SELENOT: variants seen among roughly 807,000 people sequenced by gnomAD.
SELENOT encodes thioredoxin reductase-like selenoprotein T.
In SELENOT, 9 loss-of-function variants were observed where a neutral mutation model predicts 24.3. The ratio of observed to expected loss-of-function variants is 0.37; its 90% CI spans 0.22 to 0.65. The LOEUF is 0.65. Ranked by LOEUF, SELENOT falls within the 30% of genes least tolerant of loss-of-function variation. The pLI is 0.60. For synonymous variants in SELENOT, 81 were observed against 86.0 expected (o/e 0.94, Z 0.32); for missense variants, 166 against 247.6 (o/e 0.67, Z 2.21).
intron 3 of SELENOT, 82 bp downstream of exon 3, chr3:150,623,251 C>T: frequency 8.1e-7 from 1 of 1,230,208 alleles, no homozygotes; most frequent in South Asian, 2.1e-5. Context: ...ATTTTGAATA[C>T]TTGTTATTGA....
Position 150,603,355 on chromosome 3 carries a change from C to G in SELENOT, c.-8C>G, listed in dbSNP as rs774153673. The G allele has an allele frequency of 6.2e-7, 1 of 1,609,038 alleles. No homozygotes were observed. The highest frequency in any genetic ancestry group is 8.5e-7 in the Non-Finnish European group (1 of 1,176,738). The stretch of plus-strand genomic sequence containing the variant: ...CTGAGGGCGGCCGAAGTGGCTGGCT[C>G]ATTTAAGATGAGGCTTCTGCTGCTT... On this transcript the variant is annotated 5_prime_UTR_variant, in exon 1 of 6. Coordinates refer to ENST00000471696, the MANE Select transcript of SELENOT (RefSeq NM_016275.5).
chr3:150,622,960 C>T (rs1726372487), intron 2 of SELENOT, 83 bp from the exon 3 acceptor site: 1 of 1,266,646 alleles, frequency 7.9e-7, no homozygotes, highest in Non-Finnish European at 1.0e-6. Context: ...TCTAGAAAAT[C>T]TTTACATACA....
At chr3:150,609,441 C>T (rs972340294) in intron 1 of SELENOT, among the ~76,000 whole-genome samples, 3 of 152,038 alleles carry the variant, frequency 2.0e-5, no homozygotes, top group East Asian at 3.9e-4. Flanking sequence ...CCTCGACTGC[C>T]GAGGCTCAAG....
chr3:150,605,640 T>TC (rs1363050913), intron 1 of SELENOT, among the ~76,000 whole-genome samples: 1 of 152,010 alleles, frequency 6.6e-6, no homozygotes, highest in Admixed American at 6.6e-5. Flanking sequence ...CGGAGATCAT[T>TC]TTTTGTTTAA....
chr3:150,624,190 G>A (rs1726395852), intron 3 of SELENOT, among the ~76,000 whole-genome samples: 1 of 152,094 alleles, frequency 6.6e-6, no homozygotes, highest in South Asian at 2.1e-4. Context: ...TAGCTCCTGT[G>A]GGGCAGTAGG....
In SELENOT at chr3:150,603,330, C is replaced by T; in HGVS notation, c.-33C>T. On this transcript the variant is annotated 5_prime_UTR_variant, in exon 1 of 6. Coordinates refer to ENST00000471696, the MANE Select transcript of SELENOT (RefSeq NM_016275.5). ...GGGCTTTGGGCTGGCTGCAGTCTGT[C>T]TGAGGGCGGCCGAAGTGGCTGGCTC... 2 of 1,602,810 alleles carry T rather than the reference C, an allele frequency of 1.2e-6. No individual in the cohort carries two copies. Among genetic ancestry groups the T allele is most frequent in the Non-Finnish European group, 1.7e-6 (2 of 1,172,144 alleles).
At chr3:150,616,419 C>A (rs1423642200) in intron 1 of SELENOT, among the ~76,000 whole-genome samples, 1 of 144,828 alleles carries the variant, frequency 6.9e-6, no homozygotes, top group Non-Finnish European at 1.5e-5. Flanking sequence ...AGGCAACCTA[C>A]AAAATGGGAG....
intron 4 of SELENOT, 143 bp downstream of exon 4, chr3:150,625,042 GAT>G (rs1400884773): frequency 2.0e-5 from 9 of 460,098 alleles, no homozygotes; most frequent in Admixed American, 4.4e-5. Context: ...AAATTCAGGA[GAT>G]AGAAGAATTT....
In SELENOT at chr3:150,630,349, GA is replaced by G. The variant is rs1388025526; in HGVS notation, c.*2721del. 1 of 152,026 alleles carries G rather than the reference GA, an allele frequency of 6.6e-6. No homozygotes were observed. The highest frequency in any genetic ancestry group is 1.5e-5 in the Non-Finnish European group (1 of 67,980). The allele number at this position is 152,026 out of a possible 1,614,324, so 9.4% of individuals were successfully genotyped here. ...TTCTAAAGCCTTTTTTTTAAAAAAA[GA>G]GATCTTTTTGAGAGAAACAAATGAG... On this transcript the variant is annotated 3_prime_UTR_variant, in exon 6 of 6. Transcript: ENST00000471696.
chr3:150,622,532 A>AT, intron 2 of SELENOT, 37 bp downstream of exon 2: 1 of 1,050,470 alleles, frequency 9.5e-7, no homozygotes. Flanking sequence ...AAAACAATGT[A>AT]TTTGACTTTA....
chr3:150,616,910 C>T (rs977064501), intron 1 of SELENOT, among the ~76,000 whole-genome samples: 8 of 152,222 alleles, frequency 5.3e-5, no homozygotes, highest in Non-Finnish European at 1.2e-4. Context: ...TCCCAAAGTG[C>T]TGGGATTACA....
intron 1 of SELENOT, among the ~76,000 whole-genome samples, chr3:150,606,227 T>G (rs1404581998): frequency 1.3e-5 from 2 of 151,260 alleles, no homozygotes; most frequent in African/African-American, 4.9e-5. Context: ...CACGGAGCCT[T>G]GACTTCCTGA....
intron 1 of SELENOT, chr3:150,611,651 G>A: frequency 6.3e-7 from 1 of 1,594,514 alleles, no homozygotes; most frequent in Non-Finnish European, 8.6e-7. Flanking sequence ...TGCTCTTCTG[G>A]ATCCTCTTGC....
chr3:150,620,382 T>C (rs1726312487), intron 1 of SELENOT, among the ~76,000 whole-genome samples: 1 of 152,046 alleles, frequency 6.6e-6, no homozygotes, highest in South Asian at 2.1e-4. Flanking sequence ...TTGAATCATC[T>C]AATTGTTAAA....
At chr3:150,615,265 T>C (rs1457392568) in intron 1 of SELENOT, among the ~76,000 whole-genome samples, 1 of 151,962 alleles carries the variant, frequency 6.6e-6, no homozygotes, top group Non-Finnish European at 1.5e-5. Context: ...CAGTCTATCA[T>C]TGTTGGACAT....
At chr3:150,608,232 G>A (rs1726013494) in intron 1 of SELENOT, among the ~76,000 whole-genome samples, 1 of 152,066 alleles carries the variant, frequency 6.6e-6, no homozygotes, top group African/African-American at 2.4e-5. Context: ...TAGTAGCCAG[G>A]GGAAAACCCC....
intron 4 of SELENOT, among the ~76,000 whole-genome samples, chr3:150,625,492 A>C (rs1726420919): frequency 6.6e-6 from 1 of 151,990 alleles, no homozygotes; most frequent in Non-Finnish European, 1.5e-5. Flanking sequence ...CCACCTCCTA[A>C]ATTTCAAAAA....
intron 1 of SELENOT, among the ~76,000 whole-genome samples, chr3:150,610,648 A>T (rs1472175692): frequency 6.6e-6 from 1 of 152,150 alleles, no homozygotes; most frequent in Non-Finnish European, 1.5e-5. Context: ...ATTACCTTAT[A>T]ATTGTTCCCC....
chr3:150,607,464 A>G (rs748651860), intron 1 of SELENOT, among the ~76,000 whole-genome samples: 4 of 152,242 alleles, frequency 2.6e-5, no homozygotes, highest in Non-Finnish European at 4.4e-5. Flanking sequence ...ATATTGGAGC[A>G]CTTACTCTGT....
Sources: gnomAD v4.1 joint callset for allele counts (sites outside exome capture counted in the v4.1 genomes callset) on GRCh38, gnomAD v4.1.1 for gene constraint, MANE v1.5 for transcripts, NCBI Gene and HGNC (gene_info 2026-07-23, HGNC 2026-07-21) for gene names.